LOXHD1: variants seen among roughly 807,000 people sequenced by gnomAD.
LOXHD1 encodes lipoxygenase homology domain-containing protein 1.
Under a neutral mutation model 248.2 loss-of-function variants are expected in LOXHD1, and 205 were observed. That is an observed-to-expected ratio of 0.83 (90% confidence interval 0.74 to 0.93). The LOEUF (loss-of-function observed/expected upper bound fraction) is 0.93. Ranked by LOEUF, LOXHD1 falls within the 40% of genes least tolerant of loss-of-function variation. The pLI, the probability that LOXHD1 is intolerant of heterozygous loss-of-function variation, is 0.00. For synonymous variants in LOXHD1, 1,113 were observed against 1,162.8 expected (o/e 0.96, Z 0.87); for missense variants, 2,930 against 2,971.6 (o/e 0.99, Z 0.33).
Position 46,524,545 on chromosome 18 carries a change from G to A in LOXHD1, c.4797C>T (p.Ile1599=), listed in dbSNP as rs1175532322. ...CATCGGCCATCTTGGAGCTCAGGGC[G>A]ATCTCCCAGAAGTCAGCAGGGCTGC... ...NCSSPADFWE[I]ALSSKMADVD... Residue 1599 remains isoleucine, a synonymous_variant, in exon 31 of 41, where the codon ATC becomes ATT. Transcript: ENST00000642948. 11 of 1,551,602 alleles carry A rather than the reference G, an allele frequency of 7.1e-6. No homozygotes were observed. The highest frequency in any genetic ancestry group is 3.6e-5 in the South Asian group (3 of 84,062).
At chr18:46,491,447 C>T (rs117318289) in intron 37 of LOXHD1, among the ~76,000 whole-genome samples, 1,611 of 152,344 alleles carry the variant, frequency 0.011, 16 homozygotes, top group Middle Eastern at 0.027. Flanking sequence ...GCGAGGTCAA[C>T]GCTGCTGGTC....
intron 17 of LOXHD1, among the ~76,000 whole-genome samples, chr18:46,563,561 A>C (rs1326154026): frequency 6.6e-6 from 1 of 152,148 alleles, no homozygotes; most frequent in Admixed American, 6.5e-5. Context: ...TACAGTTTGC[A>C]TGTTTGTCCT....
chr18:46,559,727 C>A, intron 19 of LOXHD1, 125 bp from the exon 20 acceptor site: 3 of 1,119,270 alleles, frequency 2.7e-6, no homozygotes, highest in Non-Finnish European at 3.8e-6. Flanking sequence ...TCTACACTAA[C>A]CTGGGACTGA....
intron 32 of LOXHD1, among the ~76,000 whole-genome samples, chr18:46,521,497 A>C (rs1681302465): frequency 2.0e-5 from 3 of 152,202 alleles, no homozygotes; most frequent in South Asian, 2.1e-4. Context: ...AGCCCTTAAA[A>C]AAGCATATCT....
chr18:46,478,137 C>T lies in LOXHD1; in HGVS notation c.6342-185G>A, dbSNP rs150525579. 3.4e-4 allele frequency among the ~76,000 whole-genome samples: 52 copies of T among 152,314 alleles called. No individual in the cohort carries two copies. The East Asian group carries it at 5.0e-3, about 15-fold the overall frequency. ...TGTTTAACTTCAAATTCACCATGGA[C>T]GGGCATCTCCATTCTTCCAGTTGCT... On this transcript the variant is annotated intron_variant, in intron 40 of 40. Transcript: ENST00000642948.
intron 14 of LOXHD1, among the ~76,000 whole-genome samples, chr18:46,572,386 C>A (rs565872992): frequency 3.3e-5 from 5 of 152,106 alleles, no homozygotes; most frequent in Non-Finnish European, 7.4e-5. Context: ...GCAGGGAACT[C>A]CTTGGGGAAT....
chr18:46,578,154 G>A (rs917185248), intron 13 of LOXHD1, among the ~76,000 whole-genome samples: 1 of 152,188 alleles, frequency 6.6e-6, no homozygotes, highest in Non-Finnish European at 1.5e-5. Flanking sequence ...CATTTATCAT[G>A]AGCTAATTCC....
intron 37 of LOXHD1, among the ~76,000 whole-genome samples, chr18:46,503,151 T>C (rs1233638541): frequency 6.6e-6 from 1 of 152,240 alleles, no homozygotes; most frequent in Non-Finnish European, 1.5e-5. Flanking sequence ...ATCTTGCCAG[T>C]GTGTGCTGGT....
intron 14 of LOXHD1, among the ~76,000 whole-genome samples, 199 bp from the exon 15 acceptor site, chr18:46,572,361 G>A (rs1010144255): frequency 4.6e-5 from 7 of 152,208 alleles, no homozygotes; most frequent in African/African-American, 1.7e-4. Context: ...GTGTTTGGCT[G>A]AGATTGGAAG....
intron 38 of LOXHD1, among the ~76,000 whole-genome samples, chr18:46,486,767 G>A (rs553000407): frequency 2.2e-4 from 33 of 152,138 alleles, no homozygotes; most frequent in Non-Finnish European, 4.1e-4. Context: ...GAGATGATGC[G>A]GGTGGGGTTT....
chr18:46,562,971 G>T, intron 18 of LOXHD1, 94 bp downstream of exon 18: 1 of 1,394,254 alleles, frequency 7.2e-7, no homozygotes, highest in Non-Finnish European at 9.6e-7. Flanking sequence ...CCATTCTCGG[G>T]TGAGTATTGA....
At chr18:46,527,409 T>C (rs1365145257) in intron 29 of LOXHD1, among the ~76,000 whole-genome samples, 6 of 152,258 alleles carry the variant, frequency 3.9e-5, no homozygotes, top group Admixed American at 3.9e-4. Context: ...CACAAAGAGC[T>C]ACCTGCCTGC....
rs869145783 is a variant in LOXHD1, at chr18:46,597,544, GCA to G, written c.1135-3080_1135-3079del. Among the ~76,000 whole-genome samples, 35 of 87,768 alleles carry G rather than the reference GCA, an allele frequency of 4.0e-4. No homozygotes were observed. The East Asian group carries it at 4.3e-3, about 11-fold the overall frequency. The allele number at this position is 87,768 out of a possible 152,430, so 57.6% of individuals were successfully genotyped here. A position where few individuals can be genotyped will look rare whatever the true frequency, so the allele number is the denominator to read the frequency against. ...TATATATTTCAATAGTGGTACATGC[GCA>G]CACACACACACACACACACACACAC... On this transcript the variant is annotated intron_variant, in intron 8 of 40. Coordinates refer to ENST00000642948, the MANE Select transcript of LOXHD1 (RefSeq NM_001384474.1).
At chr18:46,609,342 C>G (rs1193317109) in intron 6 of LOXHD1, among the ~76,000 whole-genome samples, 16 of 152,204 alleles carry the variant, frequency 1.1e-4, no homozygotes, top group Admixed American at 9.8e-4. Flanking sequence ...AAAAAATAAG[C>G]TCCTAGTTGT....
At chr18:46,522,726 G>A (rs1181158876) in intron 31 of LOXHD1, among the ~76,000 whole-genome samples, 1 of 152,166 alleles carries the variant, frequency 6.6e-6, no homozygotes, top group Non-Finnish European at 1.5e-5. Flanking sequence ...TAGAAAGAAG[G>A]AATTTGAAGA....
At chr18:46,533,698 TG>T in intron 27 of LOXHD1, 1 of 323,932 alleles carries the variant, frequency 3.1e-6, no homozygotes. Context: ...CCAAGGCGGG[TG>T]GATTACCTGA....
At chr18:46,642,746 C>T (rs890467376) in intron 2 of LOXHD1, among the ~76,000 whole-genome samples, 15 of 152,230 alleles carry the variant, frequency 9.9e-5, no homozygotes, top group Non-Finnish European at 1.8e-4. Flanking sequence ...GCAGCAGCCT[C>T]GCCACAGAAT....
intron 1 of LOXHD1, among the ~76,000 whole-genome samples, chr18:46,650,201 T>TA (rs1165483719): frequency 1.3e-5 from 2 of 152,168 alleles, no homozygotes; most frequent in African/African-American, 4.8e-5. Context: ...CTCATTCCAT[T>TA]ATGAGATTTT....
intron 4 of LOXHD1, among the ~76,000 whole-genome samples, chr18:46,625,852 C>T (rs1035630415): frequency 3.3e-5 from 5 of 152,138 alleles, no homozygotes; most frequent in East Asian, 1.9e-4. Flanking sequence ...TGCCTCTCTA[C>T]GGAAGACCCC....
Sources: gnomAD v4.1 joint callset for allele counts (sites outside exome capture counted in the v4.1 genomes callset) on GRCh38, gnomAD v4.1.1 for gene constraint, MANE v1.5 for transcripts, NCBI Gene and HGNC (gene_info 2026-07-23, HGNC 2026-07-21) for gene names.